Variants in SFTPD observed in about 807,000 individuals in gnomAD.
SFTPD encodes surfactant protein D, also known as pulmonary surfactant-associated protein D.
Under a neutral mutation model 34.6 loss-of-function variants are expected in SFTPD, and 18 were observed. That is an observed-to-expected ratio of 0.52 (90% CI 0.36 to 0.77). SFTPD has a LOEUF of 0.77. Among genes scored for constraint, SFTPD ranks in the 30% least tolerant of loss-of-function variants. The pLI, the probability that SFTPD is intolerant of heterozygous loss-of-function variation, is 0.00. For missense variants in SFTPD, 433 were observed against 468.9 expected, an observed-to-expected ratio of 0.92 and a Z score of 0.71; for synonymous variants, 155 against 180.9, an observed-to-expected ratio of 0.86 and a Z score of 1.15.
At chr10:79,945,567 A>G (rs1433680738) in intron 2 of SFTPD, among the ~76,000 whole-genome samples, 2 of 152,204 alleles carry the variant, frequency 1.3e-5, no homozygotes, top group Non-Finnish European at 2.9e-5. Flanking sequence ...TTTCCCTACA[A>G]GCGGGGAGCA....
chr10:79,948,519 A>G (rs1393783528), intron 1 of SFTPD, among the ~76,000 whole-genome samples: 1 of 152,146 alleles, frequency 6.6e-6, no homozygotes, highest in African/African-American at 2.4e-5. Flanking sequence ...TCAGAGTACA[A>G]TTTCATTGAA....
intron 7 of SFTPD, among the ~76,000 whole-genome samples, chr10:79,939,026 G>A (rs1228596170): frequency 6.6e-6 from 1 of 152,242 alleles, no homozygotes; most frequent in Non-Finnish European, 1.5e-5. Context: ...GCAAGGGAAA[G>A]TCACTTCCCT....
At chr10:79,969,834 GGTTCTTTTAACTCTGATGTTT>G (rs1258884537) in intron 1 of SFTPD, 1 of 152,064 alleles carries the variant, frequency 6.6e-6, no homozygotes, top group Non-Finnish European at 1.5e-5. Flanking sequence ...CCATTCTGTA[GGTTCTTTTAACTCTGATGTTT>G]GTTCTTTGTT....
chr10:79,941,133 G>C (rs1466227712), intron 6 of SFTPD, among the ~76,000 whole-genome samples: 3 of 152,310 alleles, frequency 2.0e-5, no homozygotes, highest in South Asian at 4.1e-4. Context: ...GCCCAAAACT[G>C]TCCTATGAAT....
chr10:79,962,777 C>A (rs1842780742), intron 1 of SFTPD, among the ~76,000 whole-genome samples: 1 of 152,110 alleles, frequency 6.6e-6, no homozygotes, highest in South Asian at 2.1e-4. Context: ...TTCTTTTTAA[C>A]AATACGTTGT....
intron 7 of SFTPD, 74 bp downstream of exon 7, chr10:79,940,631 G>T: frequency 9.8e-7 from 1 of 1,018,404 alleles, no homozygotes; most frequent in Non-Finnish European, 1.5e-6. Flanking sequence ...CCCAGCCAAA[G>T]GCCAAACCAA....
rs1842806429 is a variant in SFTPD at position 79,966,982 on chromosome 10, T to C, written c.36+15593A>G. Among the ~76,000 whole-genome samples the C allele has an allele frequency of 4.2e-5, 6 of 144,012 alleles. No homozygotes were observed. In the South Asian group the frequency reaches 1.4e-3, roughly 34 times the overall value. 94.5% of individuals were successfully genotyped at this position (144,012 alleles called of 152,430 possible). On this transcript the variant is annotated intron_variant, in intron 1 of 5. Transcript: ENST00000444384. ...TCAGGCAGGAGAAGGAAATAAAGGG[T>C]ATTCAATTAGGAAAAGAGGAAGTCA...
chr10:79,942,131 G>C (rs905181351), intron 4 of SFTPD, 61 bp from the exon 5 acceptor site: 2 of 1,254,462 alleles, frequency 1.6e-6, no homozygotes, highest in African/African-American at 3.0e-5. Flanking sequence ...GTGTGGTTTT[G>C]TTAGCAATGG....
At chr10:79,975,168 C>A (rs564654411) in intron 1 of SFTPD, among the ~76,000 whole-genome samples, 1 of 152,266 alleles carries the variant, frequency 6.6e-6, no homozygotes, top group South Asian at 2.1e-4. Flanking sequence ...GCTGCTCGAA[C>A]AGTCACTGGG....
chr10:79,941,533 T>C lies in SFTPD; in HGVS notation c.551-19A>G. 6.4e-7 allele frequency: 1 copy of C among 1,559,832 alleles called. No homozygotes were observed. ...GCAGACCCTGGGGTAAAAGAAGAAC[T>C]GGGTGAGCTATGTACTCATTTTATT... On this transcript the variant is annotated intron_variant, in intron 5 of 7. Transcript: ENST00000372292.
intron 1 of SFTPD, among the ~76,000 whole-genome samples, chr10:79,977,473 C>T (rs1028848279): frequency 2.0e-5 from 3 of 152,232 alleles, no homozygotes; most frequent in African/African-American, 7.2e-5. Context: ...ACAACAACAA[C>T]ACACACATAC....
At chr10:79,978,084 C>A (rs1394094501) in intron 1 of SFTPD, among the ~76,000 whole-genome samples, 1 of 152,066 alleles carries the variant, frequency 6.6e-6, no homozygotes, top group East Asian at 1.9e-4. Flanking sequence ...CCATTTTTTG[C>A]CTTTTGGTTT....
chr10:79,941,508 G>A lies in SFTPD; in HGVS notation c.557C>T (p.Ala186Val), dbSNP rs200217792. The change falls in exon 6 of 8, where the codon GCT (alanine) becomes GTT (valine). Residue 186 changes from alanine to valine, a missense_variant. Ala to Val is a moderately conservative substitution (Grantham distance 64, BLOSUM62 0). Transcript: ENST00000372292. ...ACTTCCCTGGGGACCCATGGCTCCA[G>A]CAGACCCTGGGGTAAAAGAAGAACT... ...VPGNTGAAGS[A>V]GAMGPQGSPG... The A allele has an allele frequency of 1.2e-4, 186 of 1,600,842 alleles. No individual in the cohort carries two copies. The highest frequency in any genetic ancestry group is 1.6e-4 in the Admixed American group (9 of 56,332).
intron 1 of SFTPD, chr10:79,981,917 GC>G: frequency 3.4e-6 from 1 of 291,242 alleles, no homozygotes; most frequent in Admixed American, 4.9e-5. Context: ...AGCGAGGTGT[GC>G]CCGCAGCCGA....
chr10:79,958,438 C>T (rs1012929663), intron 1 of SFTPD, among the ~76,000 whole-genome samples: 23 of 148,936 alleles, frequency 1.5e-4, no homozygotes, highest in African/African-American at 3.6e-4. Flanking sequence ...TAGGCTCCTT[C>T]GTAGAGGAAG....
At chr10:79,938,336 G>C in intron 7 of SFTPD, 108 bp from the exon 8 acceptor site, 1 of 998,548 alleles carries the variant, frequency 1.0e-6, no homozygotes, top group Admixed American at 2.4e-5. Context: ...TCCCAAACAG[G>C]CACCGCATCA....
intron 1 of SFTPD, chr10:79,969,782 T>C (rs984400320): frequency 2.6e-5 from 4 of 152,214 alleles, no homozygotes; most frequent in African/African-American, 7.2e-5. Context: ...GTTCCTTATA[T>C]AGTAACCCTT....
At chr10:79,978,555 G>C (rs1842874411) in intron 1 of SFTPD, among the ~76,000 whole-genome samples, 1 of 150,832 alleles carries the variant, frequency 6.6e-6, no homozygotes. Flanking sequence ...GGGAGGCTGA[G>C]GTGGGAGGAT....
chr10:79,975,125 G>C (rs1327147443), intron 1 of SFTPD, among the ~76,000 whole-genome samples: 1 of 152,136 alleles, frequency 6.6e-6, no homozygotes, highest in Non-Finnish European at 1.5e-5. Flanking sequence ...CTGAATTCCT[G>C]CCTGACTAGA....
Sources: gnomAD v4.1 joint callset for allele counts (sites outside exome capture counted in the v4.1 genomes callset) on GRCh38, gnomAD v4.1.1 for gene constraint, MANE v1.5 for transcripts, NCBI Gene and HGNC (gene_info 2026-07-23, HGNC 2026-07-21) for gene names.